The following RNLS variants were observed in gnomAD, a reference collection of about 807,000 sequenced individuals.
The protein encoded by RNLS is renalase.
In RNLS, 39 loss-of-function variants were observed where a neutral mutation model predicts 39.8. The ratio of observed to expected loss-of-function variants is 0.98; its 90% CI spans 0.76 to 1.28. RNLS has a LOEUF of 1.28. Among genes scored for constraint, RNLS ranks in the 50% most tolerant of loss-of-function variants. The pLI is 0.00. For synonymous variants in RNLS, 147 were observed against 150.7 expected (o/e 0.98, Z 0.18); for missense variants, 410 against 413.3 (o/e 0.99, Z 0.07).
At chr10:88,391,651 G>T (rs555793867) in intron 4 of RNLS, among the ~76,000 whole-genome samples, 1 of 152,260 alleles carries the variant, frequency 6.6e-6, no homozygotes, top group South Asian at 2.1e-4. Context: ...ATTAAAAGAG[G>T]ACATGGGGTG....
At chr10:88,476,951 C>T (rs1343952941) in intron 4 of RNLS, among the ~76,000 whole-genome samples, 2 of 149,736 alleles carry the variant, frequency 1.3e-5, no homozygotes, top group Non-Finnish European at 3.0e-5. Flanking sequence ...CAGAGATAAG[C>T]TTGTAAATGC....
At chr10:88,392,120 G>A (rs985367621) in intron 4 of RNLS, among the ~76,000 whole-genome samples, 3 of 152,222 alleles carry the variant, frequency 2.0e-5, no homozygotes, top group Non-Finnish European at 4.4e-5. Context: ...TAACAGAAAT[G>A]ATTTTCAATT....
At chr10:88,254,405 A>G in the RNLS span, among the ~76,000 whole-genome samples, 3 of 152,246 alleles carry the variant, frequency 2.0e-5, no homozygotes, top group Non-Finnish European at 4.4e-5. Flanking sequence ...TGGGTAGCTG[A>G]ACCTGCAACA....
chr10:88,287,900 G>A (rs758789754), intron 6 of RNLS, among the ~76,000 whole-genome samples: 3 of 151,996 alleles, frequency 2.0e-5, no homozygotes, highest in Non-Finnish European at 2.9e-5. Flanking sequence ...AGTTCAAGAT[G>A]AGACTTGGAT....
At position 88,508,643 on chromosome 10, in the gene RNLS, T is replaced by G. The variant is rs113515213; in HGVS notation, c.526+64260A>C. Among the ~76,000 whole-genome samples, 1,316 of 152,256 alleles carry G rather than the reference T, an allele frequency of 8.6e-3. 22 individuals carry two copies. Among genetic ancestry groups the G allele is most frequent in the African/African-American group, 0.03 (1,234 of 41,552 alleles). ...TTCACATTACTGGTGCCAATGTTTC[T>G]TTAAATTTTGGCATTGTTTAGTGAA... On this transcript the variant is annotated intron_variant, in intron 4 of 6. Coordinates refer to ENST00000331772, the MANE Select transcript of RNLS (RefSeq NM_001031709.3).
intron 6 of RNLS, among the ~76,000 whole-genome samples, chr10:88,312,151 G>A (rs1845431235): frequency 6.6e-6 from 1 of 152,214 alleles, no homozygotes; most frequent in Admixed American, 6.5e-5. Flanking sequence ...GGTTGCAGAT[G>A]GATTAAAATT....
At chr10:88,480,216 C>T (rs1010451286) in intron 4 of RNLS, among the ~76,000 whole-genome samples, 2 of 152,212 alleles carry the variant, frequency 1.3e-5, no homozygotes, top group South Asian at 2.1e-4. Context: ...GCATATTCCA[C>T]GTTCCTTTAC....
At chr10:88,427,207 T>C (rs906555052) in intron 4 of RNLS, among the ~76,000 whole-genome samples, 6 of 152,012 alleles carry the variant, frequency 3.9e-5, no homozygotes, top group Non-Finnish European at 5.9e-5. Context: ...ATACTCATTA[T>C]CCCTACAATT....
At chr10:88,536,640 A>G (rs764116836) in intron 4 of RNLS, among the ~76,000 whole-genome samples, 4 of 151,980 alleles carry the variant, frequency 2.6e-5, no homozygotes, top group Non-Finnish European at 4.4e-5. Flanking sequence ...CCGACTCCCA[A>G]ATACACCACA....
At chr10:88,556,428 T>A (rs576286644) in intron 4 of RNLS, among the ~76,000 whole-genome samples, 1 of 152,306 alleles carries the variant, frequency 6.6e-6, no homozygotes. Context: ...ATCTCAGCCC[T>A]CTTACAGTCT....
At chr10:88,209,400 C>T in the RNLS span, among the ~76,000 whole-genome samples, 1 of 152,180 alleles carries the variant, frequency 6.6e-6, no homozygotes, top group Admixed American at 6.5e-5. Context: ...GGGACAACAC[C>T]ATGTGATGAC....
At chr10:88,271,364 G>A (rs926721585), downstream of RNLS, among the ~76,000 whole-genome samples, 1 of 152,158 alleles carries the variant, frequency 6.6e-6, no homozygotes, top group Non-Finnish European at 1.5e-5. Context: ...TCCATTTTCA[G>A]TTCCTTCTGA....
intron 5 of RNLS, among the ~76,000 whole-genome samples, chr10:88,322,291 A>G (rs1846241008): frequency 6.6e-6 from 1 of 152,224 alleles, no homozygotes; most frequent in South Asian, 2.1e-4. Flanking sequence ...ACTAAAAATA[A>G]TAAGAGCCAT....
the RNLS span, among the ~76,000 whole-genome samples, chr10:88,219,213 C>T: frequency 6.6e-6 from 1 of 152,140 alleles, no homozygotes; most frequent in Admixed American, 6.5e-5. Flanking sequence ...GCATGGCACT[C>T]AAAACATCTT....
At chr10:88,581,736 ATGTAATTAT>A in intron 2 of RNLS, 27 bp from the exon 3 acceptor site, 1 of 1,433,822 alleles carries the variant, frequency 7.0e-7, no homozygotes, top group South Asian at 1.4e-5. Context: ...TGTATATTTA[ATGTAATTAT>A]ATACCATGAA....
chr10:88,387,748 T>C (rs1311818560), intron 4 of RNLS, among the ~76,000 whole-genome samples: 2 of 152,178 alleles, frequency 1.3e-5, no homozygotes, highest in Non-Finnish European at 2.9e-5. Context: ...ACTTTTGATA[T>C]GGAGCAGGTG....
At chr10:88,535,024 A>ATTGTTG (rs1847662459) in intron 4 of RNLS, among the ~76,000 whole-genome samples, 1 of 152,184 alleles carries the variant, frequency 6.6e-6, no homozygotes, top group African/African-American at 2.4e-5. Context: ...AGTGTCAGTT[A>ATTGTTG]TATTGTTCAT....
chr10:88,255,517 G>A, the RNLS span, among the ~76,000 whole-genome samples: 13,492 of 152,224 alleles, frequency 0.089, 799 homozygotes, highest in East Asian at 0.21. Context: ...GATATGGGGT[G>A]TGTAAACTAA....
intron 4 of RNLS, among the ~76,000 whole-genome samples, chr10:88,511,791 G>C (rs537839820): frequency 6.6e-6 from 1 of 152,318 alleles, no homozygotes; most frequent in South Asian, 2.1e-4. Context: ...AGGATTAATA[G>C]TTGGATTTAA....
Sources: gnomAD v4.1 joint callset for allele counts (sites outside exome capture counted in the v4.1 genomes callset) on GRCh38, gnomAD v4.1.1 for gene constraint, MANE v1.5 for transcripts, NCBI Gene and HGNC (gene_info 2026-07-23, HGNC 2026-07-21) for gene names.